Variants in BTBD7 observed in about 807,000 individuals in gnomAD.
BTBD7 encodes BTB/POZ domain-containing protein 7.
In BTBD7, 38 loss-of-function variants were observed where a neutral mutation model predicts 99.9. The ratio of observed to expected loss-of-function variants is 0.38; its 90% CI spans 0.29 to 0.50. The LOEUF is 0.50. Ranked by LOEUF, BTBD7 falls within the 20% of genes least tolerant of loss-of-function variation. The pLI is 0.93. For missense variants in BTBD7, 1,170 were observed against 1,394.6 expected, an observed-to-expected ratio of 0.84 and a Z score of 2.57; for synonymous variants, 520 against 511.4, an observed-to-expected ratio of 1.02 and a Z score of -0.23.
rs551860291 is a variant in BTBD7, at chr14:93,291,736, ATTATT to A, written c.1162+2117_1162+2121del. On this transcript the variant is annotated intron_variant, in intron 3 of 10. Transcript: ENST00000334746. ...AACCAGATTAGACAATGCAAAAAGT[ATTATT>A]TTATATCTTTAAATACACTGAATAA... 4.6e-5 allele frequency among the ~76,000 whole-genome samples: 7 copies of A among 152,066 alleles called. No individual in the cohort carries two copies. In the South Asian group the frequency reaches 6.2e-4, roughly 13 times the overall value.
intron 1 of BTBD7, among the ~76,000 whole-genome samples, chr14:93,316,715 T>C (rs538387257): frequency 2.6e-5 from 4 of 152,264 alleles, no homozygotes; most frequent in South Asian, 2.1e-4. Context: ...ATGAATGAAA[T>C]AGTAAAAACG....
intron 3 of BTBD7, among the ~76,000 whole-genome samples, chr14:93,279,244 C>T (rs2052690611): frequency 6.6e-6 from 1 of 152,206 alleles, no homozygotes; most frequent in Non-Finnish European, 1.5e-5. Context: ...GTGTTTGCCT[C>T]TGTTGCCTCA....
At chr14:93,256,988 C>T (rs1566838246) in intron 6 of BTBD7, 2 of 525,872 alleles carry the variant, frequency 3.8e-6, no homozygotes, top group East Asian at 3.0e-5. Context: ...TATTTACCCA[C>T]TCAACTCTCA....
intron 3 of BTBD7, among the ~76,000 whole-genome samples, 185 bp downstream of exon 3, chr14:93,293,673 T>C (rs1393184652): frequency 6.6e-6 from 1 of 152,234 alleles, no homozygotes; most frequent in South Asian, 2.1e-4. Flanking sequence ...TTGGTTTTAC[T>C]AGTAAATAAA....
At chr14:93,275,327 C>G (rs1397674441) in intron 3 of BTBD7, among the ~76,000 whole-genome samples, 1 of 152,022 alleles carries the variant, frequency 6.6e-6, no homozygotes, top group African/African-American at 2.4e-5. Flanking sequence ...TTTCTCAGAA[C>G]ACACCTAACT....
intron 1 of BTBD7, among the ~76,000 whole-genome samples, chr14:93,315,411 G>A (rs980870188): frequency 6.6e-6 from 1 of 152,190 alleles, no homozygotes; most frequent in Non-Finnish European, 1.5e-5. Flanking sequence ...TAGCCATTGA[G>A]GTGTACAATG....
intron 3 of BTBD7, among the ~76,000 whole-genome samples, chr14:93,271,385 G>A (rs1370362566): frequency 6.6e-6 from 1 of 152,106 alleles, no homozygotes; most frequent in East Asian, 1.9e-4. Flanking sequence ...AACAGGCAAG[G>A]GGGAAAGGAA....
At position 93,238,702 on chromosome 14, in the gene BTBD7, C is replaced by T. The variant is rs1444655228; in HGVS notation, c.*3571G>A. On this transcript the variant is annotated 3_prime_UTR_variant, in exon 11 of 11. Coordinates refer to ENST00000334746, the MANE Select transcript of BTBD7 (RefSeq NM_001002860.4). Reference sequence around the variant, plus strand: ...AAATATATATTTTGCCGGGTAGTTACTGAGAAATGTCAATCCTTTCAACTC... The same window carrying T: ...AAATATATATTTTGCCGGGTAGTTATTGAGAAATGTCAATCCTTTCAACTC... The T allele has an allele frequency of 2.0e-5, 3 of 152,200 alleles. No homozygotes were observed. The highest frequency in any genetic ancestry group is 4.4e-5 in the Non-Finnish European group (3 of 68,032). The allele number at this position is 152,200 out of a possible 1,614,324, so 9.4% of individuals were successfully genotyped here. A position where few individuals can be genotyped will look rare whatever the true frequency, so the allele number is the denominator to read the frequency against.
chr14:93,300,025 T>C (rs1412883309), intron 1 of BTBD7, among the ~76,000 whole-genome samples: 2 of 152,160 alleles, frequency 1.3e-5, no homozygotes, highest in Non-Finnish European at 2.9e-5. Flanking sequence ...AAAAACACTT[T>C]TTATTGCTTC....
chr14:93,290,561 G>A (rs2052838569), intron 3 of BTBD7, among the ~76,000 whole-genome samples: 2 of 142,400 alleles, frequency 1.4e-5, no homozygotes, highest in Admixed American at 7.1e-5. Flanking sequence ...TCTATCACCC[G>A]GGCTGGAGTG....
At chr14:93,289,851 CTTTTTTTTTTTT>C (rs34820136) in intron 3 of BTBD7, among the ~76,000 whole-genome samples, 4 of 98,458 alleles carry the variant, frequency 4.1e-5, no homozygotes, top group African/African-American at 1.6e-4. Flanking sequence ...ACTCTCTGGG[CTTTTTTTTTTTT>C]TTTTTTTTTG....
At chr14:93,265,160 A>C (rs1337125447) in intron 3 of BTBD7, among the ~76,000 whole-genome samples, 4 of 152,224 alleles carry the variant, frequency 2.6e-5, no homozygotes, top group African/African-American at 7.2e-5. Context: ...GGGCGTAAAT[A>C]AACTCCAGAG....
rs1220026789 is a variant in BTBD7 at position 93,253,661 on chromosome 14, C to A, written c.1738G>T (p.Val580Leu). Residue 580 changes from valine (V) to leucine (L), a missense_variant, in exon 7 of 11, where the codon GTG becomes TTG. Around this residue, in one of 4 missense-constraint regions of BTBD7, gnomAD observed 309 missense variants for 342.0 expected, o/e 0.90. Transcript: ENST00000334746. ...GTTTTCATTACCTTTGCTTCTTCCA[C>A]ATAGGGAGAGAAGAGTCGAGGACGA... ...YVRPRLFSPY[V>L]EEAKSVLDEM... 4 of 1,609,822 alleles carry A rather than the reference C, an allele frequency of 2.5e-6. No homozygotes were observed. In the East Asian group the frequency reaches 8.9e-5, roughly 36 times the overall value.
intron 1 of BTBD7, among the ~76,000 whole-genome samples, chr14:93,315,623 T>C (rs1292954019): frequency 6.6e-6 from 1 of 152,202 alleles, no homozygotes; most frequent in Non-Finnish European, 1.5e-5. Flanking sequence ...CCTCTATTAT[T>C]TTGGACATTT....
chr14:93,289,294 C>T (rs8019742), intron 3 of BTBD7, among the ~76,000 whole-genome samples: 2,475 of 152,292 alleles, frequency 0.016, 72 homozygotes, highest in African/African-American at 0.057. Flanking sequence ...TTTTCTAATA[C>T]CATACATAAA....
chr14:93,276,565 C>T (rs1411816775), intron 3 of BTBD7, among the ~76,000 whole-genome samples: 1 of 152,096 alleles, frequency 6.6e-6, no homozygotes, highest in Non-Finnish European at 1.5e-5. Flanking sequence ...TTCCTTAGTA[C>T]TCTGTAAAAA....
chr14:93,262,622 G>T (rs1018183951), intron 4 of BTBD7, among the ~76,000 whole-genome samples: 1 of 152,066 alleles, frequency 6.6e-6, no homozygotes, highest in Non-Finnish European at 1.5e-5. Context: ...TCTCCTGGAG[G>T]GACAGGAAAA....
intron 1 of BTBD7, among the ~76,000 whole-genome samples, chr14:93,332,540 C>T (rs1473760905): frequency 6.6e-6 from 1 of 151,682 alleles, no homozygotes; most frequent in Non-Finnish European, 1.5e-5. Flanking sequence ...GCTCTCCCCG[C>T]CCCGAGCGCC....
intron 3 of BTBD7, among the ~76,000 whole-genome samples, chr14:93,290,289 T>C (rs1395212575): frequency 2.0e-5 from 3 of 151,836 alleles, no homozygotes; most frequent in South Asian, 2.1e-4. Flanking sequence ...CTCAGCTCAC[T>C]GCAAGCTTCG....
Sources: gnomAD v4.1 joint callset for allele counts (sites outside exome capture counted in the v4.1 genomes callset) on GRCh38, gnomAD v4.1.1 for gene constraint, gnomAD v4.1.1 regional missense constraint, MANE v1.5 for transcripts, NCBI Gene and HGNC (gene_info 2026-07-23, HGNC 2026-07-21) for gene names.